The following CDKAL1 variants were observed in gnomAD, a reference collection of about 807,000 sequenced individuals.
The protein encoded by CDKAL1 is threonylcarbamoyladenosine tRNA methylthiotransferase.
A neutral mutation model predicts 68.2 loss-of-function variants in CDKAL1; 32 were observed. That is an observed-to-expected ratio of 0.47 (90% CI 0.35 to 0.63). The LOEUF is 0.63. Ranked by LOEUF, CDKAL1 falls within the 30% of genes least tolerant of loss-of-function variation. The pLI, the probability that CDKAL1 is intolerant of heterozygous loss-of-function variation, is 0.00. For synonymous variants in CDKAL1, 234 were observed against 244.3 expected, an observed-to-expected ratio of 0.96 and a Z score of 0.39; for missense variants, 606 against 696.7, an observed-to-expected ratio of 0.87 and a Z score of 1.47.
chr6:20,976,031 T>C (rs1284270961), intron 10 of CDKAL1, among the ~76,000 whole-genome samples: 3 of 152,178 alleles, frequency 2.0e-5, no homozygotes, highest in African/African-American at 7.2e-5. Flanking sequence ...TCCACCTATT[T>C]ACCCCTCCCT....
chr6:20,996,766 A>C (rs72834340), intron 10 of CDKAL1, among the ~76,000 whole-genome samples: 15 of 152,256 alleles, frequency 9.9e-5, no homozygotes, highest in Non-Finnish European at 1.8e-4. Flanking sequence ...GCCAGTGCAC[A>C]TGCTTGACAC....
intron 4 of CDKAL1, among the ~76,000 whole-genome samples, chr6:20,555,771 C>G (rs559445421): frequency 7.3e-5 from 11 of 151,606 alleles, no homozygotes; most frequent in African/African-American, 2.4e-4. Flanking sequence ...TACAGGCACC[C>G]GCCACCACGC....
At chr6:20,734,149 GAA>G (rs869188862) in intron 5 of CDKAL1, among the ~76,000 whole-genome samples, 28 of 106,186 alleles carry the variant, frequency 2.6e-4, no homozygotes, top group Admixed American at 1.3e-3. Context: ...ACTCTGTCTT[GAA>G]AAAAAAAAAA....
chr6:21,109,827 C>G (rs565307700), intron 13 of CDKAL1, among the ~76,000 whole-genome samples: 1 of 152,122 alleles, frequency 6.6e-6, no homozygotes, highest in Non-Finnish European at 1.5e-5. Flanking sequence ...ACAACAACAA[C>G]AAAAAAGGCG....
At chr6:20,601,455 G>A (rs1380506554) in intron 4 of CDKAL1, among the ~76,000 whole-genome samples, 1 of 152,052 alleles carries the variant, frequency 6.6e-6, no homozygotes, top group East Asian at 1.9e-4. Context: ...GCATGGGAAT[G>A]GTAAGTAGTG....
chr6:20,740,115 AGTT>A (rs1773381907), intron 6 of CDKAL1, among the ~76,000 whole-genome samples: 1 of 152,194 alleles, frequency 6.6e-6, no homozygotes, highest in African/African-American at 2.4e-5. Context: ...CTTACTGTGC[AGTT>A]ACCTGTCGTA....
chr6:21,181,795 TCTTC>T (rs1777800800), intron 13 of CDKAL1, among the ~76,000 whole-genome samples: 1 of 152,252 alleles, frequency 6.6e-6, no homozygotes, highest in Non-Finnish European at 1.5e-5. Context: ...TAATTATTTC[TCTTC>T]CTTCTCTACT....
At chr6:21,075,031 C>A (rs1329756333) in intron 12 of CDKAL1, among the ~76,000 whole-genome samples, 1 of 151,860 alleles carries the variant, frequency 6.6e-6, no homozygotes, top group Non-Finnish European at 1.5e-5. Context: ...AATCAGTGAA[C>A]ATATGTACAA....
chr6:20,888,620 G>C (rs1761216363), intron 9 of CDKAL1, among the ~76,000 whole-genome samples: 2 of 146,768 alleles, frequency 1.4e-5, no homozygotes, highest in African/African-American at 5.1e-5. Context: ...AACATGAGGT[G>C]TTTGGTTTTT....
At chr6:21,092,865 G>A (rs1396645589) in intron 12 of CDKAL1, among the ~76,000 whole-genome samples, 1 of 151,410 alleles carries the variant, frequency 6.6e-6, no homozygotes, top group African/African-American at 2.4e-5. Flanking sequence ...TAAAAACATG[G>A]TAGCAAAGGT....
chr6:20,749,874 T>C (rs1325185976), intron 6 of CDKAL1, among the ~76,000 whole-genome samples: 1 of 151,800 alleles, frequency 6.6e-6, no homozygotes, highest in Admixed American at 6.6e-5. Flanking sequence ...TTTCCTTTTT[T>C]GTTTTTTTTT....
At chr6:20,688,694 CATT>C (rs1770740609) in intron 5 of CDKAL1, among the ~76,000 whole-genome samples, 2 of 152,156 alleles carry the variant, frequency 1.3e-5, no homozygotes, top group African/African-American at 2.4e-5. Flanking sequence ...GCATGTTAAT[CATT>C]GTTGTTTTAA....
chr6:20,641,821 T>G (rs1359434597), intron 4 of CDKAL1, among the ~76,000 whole-genome samples: 1 of 127,090 alleles, frequency 7.9e-6, no homozygotes, highest in Non-Finnish European at 1.8e-5. Flanking sequence ...TATATATGTT[T>G]GTGTGTGTGC....
At chr6:21,056,625 G>A (rs987505163) in intron 11 of CDKAL1, among the ~76,000 whole-genome samples, 3 of 152,162 alleles carry the variant, frequency 2.0e-5, no homozygotes, top group African/African-American at 7.2e-5. Flanking sequence ...AATGCTTCCA[G>A]CTTTTCCCAT....
chr6:20,847,485 A>G (rs1014985785), intron 9 of CDKAL1, among the ~76,000 whole-genome samples: 3 of 152,248 alleles, frequency 2.0e-5, no homozygotes, highest in African/African-American at 7.2e-5. Flanking sequence ...AAACACTGCA[A>G]CTTAGAAGGC....
chr6:20,680,858 G>A (rs924986495), intron 5 of CDKAL1, among the ~76,000 whole-genome samples: 1 of 152,104 alleles, frequency 6.6e-6, no homozygotes, highest in Non-Finnish European at 1.5e-5. Flanking sequence ...TTTATAACAG[G>A]GCAAAACTGA....
At chr6:20,786,107 C>A (rs1256363313) in intron 8 of CDKAL1, among the ~76,000 whole-genome samples, 1 of 152,112 alleles carries the variant, frequency 6.6e-6, no homozygotes. Context: ...TGCCTGTAAT[C>A]CCAGCTACTC....
chr6:20,746,648 G>A lies in CDKAL1; in HGVS notation c.468+7033G>A, dbSNP rs569674570. ...GATTATTCAATCAAACTTCGTTATG[G>A]TAAAGGGGAAACATCTGAACATATA... On this transcript the variant is annotated intron_variant, in intron 6 of 15. Coordinates refer to ENST00000274695, the MANE Select transcript of CDKAL1 (RefSeq NM_017774.3). Among the ~76,000 whole-genome samples the A allele has an allele frequency of 5.3e-4, 80 of 152,262 alleles. 2 individuals carry two copies. Among genetic ancestry groups the A allele is most frequent in the East Asian group, 3.9e-3 (20 of 5,184 alleles).
chr6:21,021,355 G>C (rs918241722), intron 11 of CDKAL1, among the ~76,000 whole-genome samples: 30 of 151,910 alleles, frequency 2.0e-4, no homozygotes, highest in Non-Finnish European at 3.2e-4. Flanking sequence ...ACTTTTTTAT[G>C]TATTCAAAGC....
Sources: gnomAD v4.1 joint callset for allele counts (sites outside exome capture counted in the v4.1 genomes callset) on GRCh38, gnomAD v4.1.1 for gene constraint, MANE v1.5 for transcripts, NCBI Gene and HGNC (gene_info 2026-07-23, HGNC 2026-07-21) for gene names.